The following PIWIL3 variants were observed in gnomAD, a reference collection of about 807,000 sequenced individuals.
The protein encoded by PIWIL3 is piwi like RNA-mediated gene silencing 3, also known as piwi-like protein 3.
Under a neutral mutation model 109.7 loss-of-function variants are expected in PIWIL3, and 101 were observed. That is an observed-to-expected ratio of 0.92 (90% confidence interval 0.78 to 1.09). The LOEUF (loss-of-function observed/expected upper bound fraction) is 1.09, where lower values mean the gene tolerates loss of function less well. PIWIL3 is among the 50% of genes least tolerant of loss of function. The pLI, the probability that PIWIL3 is intolerant of heterozygous loss-of-function variation, is 0.00. For missense variants in PIWIL3, 1,031 were observed against 1,072.6 expected (o/e 0.96, Z 0.54); for synonymous variants, 373 against 376.4 (o/e 0.99, Z 0.10).
chr22:24,721,562 C>A (rs151215102), intron 19 of PIWIL3, among the ~76,000 whole-genome samples: 252 of 152,264 alleles, frequency 1.7e-3, no homozygotes, highest in African/African-American at 5.8e-3. Context: ...TCTTCCATAT[C>A]TTTATGGCTC....
At chr22:24,733,353 G>A (rs1923469312) in intron 14 of PIWIL3, among the ~76,000 whole-genome samples, 1 of 151,696 alleles carries the variant, frequency 6.6e-6, no homozygotes, top group African/African-American at 2.4e-5. Context: ...CTTGGTCTAA[G>A]ACACCAAATG....
At chr22:24,753,008 A>G (rs1381528867) in intron 8 of PIWIL3, among the ~76,000 whole-genome samples, 1 of 152,220 alleles carries the variant, frequency 6.6e-6, no homozygotes, top group Non-Finnish European at 1.5e-5. Context: ...TCTTTTGTCC[A>G]TTTTAAAAAT....
intron 12 of PIWIL3, among the ~76,000 whole-genome samples, chr22:24,741,765 T>C (rs971690953): frequency 5.9e-5 from 9 of 151,914 alleles, no homozygotes; most frequent in African/African-American, 1.9e-4. Flanking sequence ...ACATGGAAAT[T>C]AGATAACCCA....
chr22:24,719,852 C>T lies in PIWIL3; in HGVS notation c.2401G>A (p.Val801Ile). 1 of 1,611,610 alleles carries T rather than the reference C, an allele frequency of 6.2e-7. No homozygotes were observed. Among genetic ancestry groups the T allele is most frequent in the Non-Finnish European group, 8.5e-7 (1 of 1,177,772 alleles). ...ATGACGTTATAATGAGTGGGGGTAACAGTCCCATCTTGCACAGACTGACTC... is the reference window on the plus strand; with the variant it reads ...ATGACGTTATAATGAGTGGGGGTAATAGTCCCATCTTGCACAGACTGACTC... Reference protein sequence around the residue: ...IVSQSVQDGTVTPTHYNVIYD... With the variant: ...IVSQSVQDGTITPTHYNVIYD... The change falls in exon 20 of 21, where the codon GTT (valine) becomes ATT (isoleucine). Residue 801 changes from valine (V) to isoleucine (I), a missense_variant. Coordinates refer to ENST00000616349, the MANE Select transcript of PIWIL3 (RefSeq NM_001255975.1).
chr22:24,757,659 TACACACAC>T (rs57298578), intron 4 of PIWIL3, among the ~76,000 whole-genome samples: 19,847 of 108,610 alleles, frequency 0.18, 2,312 homozygotes, highest in Admixed American at 0.37. Flanking sequence ...ATGTATATAT[TACACACAC>T]ACACACACAC....
chr22:24,720,657 T>A (rs1368599199), intron 19 of PIWIL3, among the ~76,000 whole-genome samples: 1 of 152,226 alleles, frequency 6.6e-6, no homozygotes, highest in Non-Finnish European at 1.5e-5. Context: ...TCTTATGTTG[T>A]ACTTTATGTT....
intron 14 of PIWIL3, among the ~76,000 whole-genome samples, chr22:24,733,604 C>T (rs1433100701): frequency 2.0e-5 from 3 of 151,952 alleles, no homozygotes; most frequent in Non-Finnish European, 4.4e-5. Context: ...TTGCTTGAAC[C>T]GGGAGGCAGA....
Position 24,719,711 on chromosome 22 carries a change from A to T in PIWIL3, c.2505+37T>A, listed in dbSNP as rs756377564. The T allele has an allele frequency of 6.3e-6, 10 of 1,583,272 alleles. No individual in the cohort carries two copies. The African/African-American group carries it at 1.2e-4, about 19-fold the overall frequency. On this transcript the variant is annotated intron_variant, in intron 20 of 20. Transcript: ENST00000616349. ...TTGTTCAATGTTGAATAGTACATTT[A>T]AAAAATCTGAAGAAAAAAGTAACAA...
chr22:24,759,796 C>G lies in PIWIL3; in HGVS notation c.223+73G>C, dbSNP rs562390313. The stretch of plus-strand genomic sequence containing the variant: ...ACGGGAGTCCTGAGGCTATCTAGAA[C>G]CTTCTACCGCTGTGGTAGCCCTTCA... On this transcript the variant is annotated intron_variant, in intron 3 of 20. Transcript: ENST00000616349. 2.0e-4 allele frequency: 316 copies of G among 1,603,706 alleles called. 2 individuals are homozygous for G. The South Asian group carries it at 3.2e-3, about 16-fold the overall frequency.
chr22:24,728,626 GAAGA>G (rs1923139400), intron 14 of PIWIL3, among the ~76,000 whole-genome samples: 1 of 152,122 alleles, frequency 6.6e-6, no homozygotes, highest in Admixed American at 6.5e-5. Flanking sequence ...TGAATGTGTA[GAAGA>G]AACAAATTAT....
intron 2 of PIWIL3, 38 bp from the exon 3 acceptor site, chr22:24,760,027 C>G: frequency 6.2e-7 from 1 of 1,610,688 alleles, no homozygotes; most frequent in Non-Finnish European, 8.5e-7. Context: ...GAGCAGTGCC[C>G]TACTGTGTTC....
rs576730528 is a variant in PIWIL3 at position 24,720,425 on chromosome 22, C to T, written c.2358-530G>A. Among the ~76,000 whole-genome samples the T allele has an allele frequency of 1.8e-3, 273 of 152,006 alleles. 2 individuals carry two copies. Among genetic ancestry groups the T allele is most frequent in the African/African-American group, 6.3e-3 (261 of 41,464 alleles). On this transcript the variant is annotated intron_variant, in intron 19 of 20. Transcript: ENST00000616349. ...TAGCTGGGACTACAGGCGCCCACCA[C>T]CACACCCGGCTAATTTTTTATATTT...
At chr22:24,737,152 G>C (rs1923704714) in intron 12 of PIWIL3, among the ~76,000 whole-genome samples, 1 of 152,156 alleles carries the variant, frequency 6.6e-6, no homozygotes, top group Non-Finnish European at 1.5e-5. Flanking sequence ...CAACTCAATG[G>C]CAGCACAGCT....
intron 12 of PIWIL3, among the ~76,000 whole-genome samples, chr22:24,736,395 G>T (rs953794059): frequency 6.6e-6 from 1 of 152,198 alleles, no homozygotes; most frequent in Non-Finnish European, 1.5e-5. Context: ...TTCTTTTGGA[G>T]CTTTTCAGTG....
intron 12 of PIWIL3, among the ~76,000 whole-genome samples, chr22:24,746,646 AC>A (rs1179769564): frequency 1.3e-5 from 2 of 151,774 alleles, no homozygotes; most frequent in South Asian, 2.1e-4. Flanking sequence ...AAAAAAAAAA[AC>A]ATAGAACTGA....
intron 1 of PIWIL3, among the ~76,000 whole-genome samples, chr22:24,764,103 C>T (rs1332036677): frequency 6.6e-6 from 1 of 152,234 alleles, no homozygotes; most frequent in Non-Finnish European, 1.5e-5. Flanking sequence ...TCCCGCAAGA[C>T]GTGCCGCACA....
chr22:24,731,204 T>C (rs1923326094), intron 14 of PIWIL3, among the ~76,000 whole-genome samples: 1 of 152,188 alleles, frequency 6.6e-6, no homozygotes. Flanking sequence ...AACAAGTTTA[T>C]TGGAGGTCTG....
chr22:24,759,784 G>A (rs544199430), intron 3 of PIWIL3, 85 bp downstream of exon 3: 3 of 1,585,236 alleles, frequency 1.9e-6, no homozygotes, highest in Non-Finnish European at 2.6e-6. Context: ...GGAGTCCTGA[G>A]GCTATCTAGA....
At chr22:24,759,757 T>A (rs1925302060) in intron 3 of PIWIL3, 112 bp downstream of exon 3, 2 of 1,482,342 alleles carry the variant, frequency 1.3e-6, no homozygotes, top group South Asian at 2.5e-5. Flanking sequence ...ACACTTCCCA[T>A]CCCACCAAAC....
Sources: gnomAD v4.1 joint callset for allele counts (sites outside exome capture counted in the v4.1 genomes callset) on GRCh38, gnomAD v4.1.1 for gene constraint, MANE v1.5 for transcripts, NCBI Gene and HGNC (gene_info 2026-07-23, HGNC 2026-07-21) for gene names.